The following SPOCK3 variants were observed in gnomAD, a reference collection of about 807,000 sequenced individuals.
The protein encoded by SPOCK3 is testican-3.
Under a neutral mutation model 56.6 loss-of-function variants are expected in SPOCK3, and 30 were observed. The observed-to-expected ratio is 0.53, with a 90% CI of 0.40 to 0.72. The LOEUF is 0.72. Among genes scored for constraint, SPOCK3 ranks in the 30% least tolerant of loss-of-function variants. The pLI is 0.00. For synonymous variants in SPOCK3, 196 were observed against 183.3 expected (o/e 1.07, Z -0.56); for missense variants, 527 against 530.0 (o/e 0.99, Z 0.06).
rs11557045 is a variant in SPOCK3, at chr4:167,000,418, C to A, written c.281G>T (p.Arg94Leu). 6 of 1,607,480 alleles carry A rather than the reference C, an allele frequency of 3.7e-6. No individual in the cohort carries two copies. Among genetic ancestry groups the A allele is most frequent in the Non-Finnish European group, 5.1e-6 (6 of 1,176,456 alleles). Residue 94 changes from arginine (R) to leucine (L), a missense_variant, in exon 4 of 11, where the codon CGC becomes CTC. Arg to Leu is a moderately radical substitution (Grantham distance 102). Coordinates refer to ENST00000357545, the MANE Select transcript of SPOCK3 (RefSeq NM_001040159.2). ...ATCTTGAGCAATGCATACTTTATGGCGACTACATTTCATCTTTAAGCATGG... is the reference window on the plus strand; with the variant it reads ...ATCTTGAGCAATGCATACTTTATGGAGACTACATTTCATCTTTAAGCATGG... ...KDPCLKMKCS[R>L]HKVCIAQDSQ...
intron 3 of SPOCK3, among the ~76,000 whole-genome samples, chr4:167,017,047 A>G (rs1027031027): frequency 2.0e-5 from 3 of 152,112 alleles, no homozygotes; most frequent in Admixed American, 6.6e-5. Context: ...GAGCCTTCCC[A>G]TATTTTCTAT....
At chr4:167,157,824 A>T (rs1336561485) in intron 2 of SPOCK3, among the ~76,000 whole-genome samples, 2 of 151,824 alleles carry the variant, frequency 1.3e-5, no homozygotes, top group African/African-American at 4.8e-5. Flanking sequence ...CCATCTTTGG[A>T]AATCTGCCAC....
At chr4:167,121,914 T>G (rs1445130836) in intron 2 of SPOCK3, among the ~76,000 whole-genome samples, 3 of 152,044 alleles carry the variant, frequency 2.0e-5, no homozygotes, top group Admixed American at 2.0e-4. Flanking sequence ...AAATCATGAA[T>G]AAAATGTACA....
chr4:166,878,472 AATGTATATTTTAT>A lies in SPOCK3; in HGVS notation c.589+10645_589+10657del, dbSNP rs1225883142. 4.3e-3 allele frequency among the ~76,000 whole-genome samples: 597 copies of A among 140,000 alleles called. 2 individuals are homozygous for A. The highest frequency in any genetic ancestry group is 0.013 in the African/African-American group (499 of 39,800). The allele number at this position is 140,000 out of a possible 152,430, so 91.8% of individuals were successfully genotyped here. ...GCCAATAAATTTTTAAAATTTTTAA[AATGTATATTTTAT>A]ATGTATATTTTATATGTATATTTTA... On this transcript the variant is annotated intron_variant, in intron 6 of 10. Transcript: ENST00000357545.
intron 8 of SPOCK3, among the ~76,000 whole-genome samples, chr4:166,746,155 A>G (rs1278047050): frequency 6.6e-6 from 1 of 152,162 alleles, no homozygotes; most frequent in Non-Finnish European, 1.5e-5. Context: ...CATCTACAGA[A>G]CTCTTCACCC....
chr4:166,887,208 T>C (rs181276185), intron 6 of SPOCK3, among the ~76,000 whole-genome samples: 2 of 152,346 alleles, frequency 1.3e-5, no homozygotes, highest in Admixed American at 1.3e-4. Flanking sequence ...TTGCAGCTTG[T>C]GATTGGTTAT....
At position 166,899,508 on chromosome 4, in the gene SPOCK3, C is replaced by CTTTTTTTTTTTTTTTTTTTTTTTTTT. The variant is rs781766258; in HGVS notation, c.475-10265_475-10264insAAAAAAAAAAAAAAAAAAAAAAAAAA. Among the ~76,000 whole-genome samples, 2 of 119,100 alleles carry CTTTTTTTTTTTTTTTTTTTTTTTTTT rather than the reference C, an allele frequency of 1.7e-5. 1 individual carries two copies. The highest frequency in any genetic ancestry group is 3.4e-5 in the Non-Finnish European group (2 of 59,260). 78.1% of individuals were successfully genotyped at this position (119,100 alleles called of 152,430 possible). ...ATCTGTTCAGTGTATTTCTTTCTTT[C>CTTTTTTTTTTTTTTTTTTTTTTTTTT]TTTTTTTTTTTTTTTTGAGACAGAG... On this transcript the variant is annotated intron_variant, in intron 5 of 10. Transcript: ENST00000357545.
At chr4:167,077,133 A>G (rs558983551) in intron 2 of SPOCK3, among the ~76,000 whole-genome samples, 1 of 151,944 alleles carries the variant, frequency 6.6e-6, no homozygotes, top group African/African-American at 2.4e-5. Flanking sequence ...ATATTAAGTG[A>G]CTCTACATAA....
chr4:166,766,597 T>TA (rs1738094152), intron 7 of SPOCK3, among the ~76,000 whole-genome samples: 11 of 152,322 alleles, frequency 7.2e-5, no homozygotes, highest in Non-Finnish European at 1.5e-4. Flanking sequence ...TGCCAGTATC[T>TA]TATTGAGGAT....
intron 4 of SPOCK3, among the ~76,000 whole-genome samples, chr4:166,949,841 C>T (rs1742299593): frequency 6.6e-6 from 1 of 151,856 alleles, no homozygotes; most frequent in Non-Finnish European, 1.5e-5. Flanking sequence ...AACTAAGCTT[C>T]AAAAGTGAAG....
chr4:167,055,841 G>A (rs1754763486), intron 3 of SPOCK3, among the ~76,000 whole-genome samples: 1 of 152,226 alleles, frequency 6.6e-6, no homozygotes, highest in Non-Finnish European at 1.5e-5. Context: ...AAGGAGGCCT[G>A]CCTGCCTCTG....
intron 2 of SPOCK3, among the ~76,000 whole-genome samples, chr4:167,116,492 G>GTA (rs35875743): frequency 1.5e-5 from 2 of 131,608 alleles, no homozygotes; most frequent in Non-Finnish European, 3.1e-5. Flanking sequence ...ATACTTTTGT[G>GTA]TATATATATA....
intron 2 of SPOCK3, among the ~76,000 whole-genome samples, chr4:167,194,675 C>T (rs991304953): frequency 3.0e-4 from 46 of 152,284 alleles, no homozygotes; most frequent in African/African-American, 7.5e-4. Context: ...CACAGTATTG[C>T]TGCATGGTCC....
intron 2 of SPOCK3, among the ~76,000 whole-genome samples, chr4:167,223,156 A>G (rs1320703532): frequency 8.0e-6 from 1 of 125,646 alleles, no homozygotes; most frequent in Non-Finnish European, 1.6e-5. Flanking sequence ...ATGAATATAT[A>G]TTTTATATAT....
At chr4:167,051,432 T>A (rs1317535698) in intron 3 of SPOCK3, among the ~76,000 whole-genome samples, 1 of 152,222 alleles carries the variant, frequency 6.6e-6, no homozygotes, top group Non-Finnish European at 1.5e-5. Flanking sequence ...TTCTTTGTTT[T>A]TTCCAAGACA....
At chr4:166,860,802 C>CATATATATATATATATATGTATATAT in intron 6 of SPOCK3, among the ~76,000 whole-genome samples, 9 of 101,940 alleles carry the variant, frequency 8.8e-5, no homozygotes, top group South Asian at 3.2e-4. Flanking sequence ...CACACAAATT[C>CATATATATATATATATATGTATATAT]ATATATATAT....
chr4:166,995,989 A>G (rs967422561), intron 4 of SPOCK3, among the ~76,000 whole-genome samples: 1 of 152,280 alleles, frequency 6.6e-6, no homozygotes, highest in Admixed American at 6.5e-5. Context: ...TAGCTATTCA[A>G]TCAGTGATCA....
In SPOCK3 at chr4:167,222,204, T is replaced by C. The variant is rs148388957; in HGVS notation, c.189+11781A>G. Among the ~76,000 whole-genome samples the C allele has an allele frequency of 5.3e-3, 802 of 152,088 alleles. 5 individuals are homozygous for C. The highest frequency in any genetic ancestry group is 6.8e-3 in the Middle Eastern group (2 of 294). ...TATGCTAACAAAAGCCAGTCACAAATAGACAAATACTGTTGTTCCACCTAT... is the reference window on the plus strand; with the variant it reads ...TATGCTAACAAAAGCCAGTCACAAACAGACAAATACTGTTGTTCCACCTAT... On this transcript the variant is annotated intron_variant, in intron 2 of 10. Transcript: ENST00000357545.
At chr4:166,972,186 T>C (rs1169821295) in intron 4 of SPOCK3, among the ~76,000 whole-genome samples, 3 of 152,138 alleles carry the variant, frequency 2.0e-5, no homozygotes, top group Non-Finnish European at 4.4e-5. Context: ...AACTAGCAGA[T>C]TGATAGCACA....
Sources: gnomAD v4.1 joint callset for allele counts (sites outside exome capture counted in the v4.1 genomes callset) on GRCh38, gnomAD v4.1.1 for gene constraint, MANE v1.5 for transcripts, NCBI Gene and HGNC (gene_info 2026-07-23, HGNC 2026-07-21) for gene names.